Variants in BBS9 observed in about 807,000 individuals in gnomAD.
BBS9 encodes Bardet-Biedl syndrome 9, also known as protein PTHB1.
A neutral mutation model predicts 117.7 loss-of-function variants in BBS9; 89 were observed. That is an observed-to-expected ratio of 0.76 (90% CI 0.64 to 0.90). The LOEUF (loss-of-function observed/expected upper bound fraction) is 0.90, where lower values mean the gene tolerates loss of function less well. Among genes scored for constraint, BBS9 ranks in the 40% least tolerant of loss-of-function variants. The probability of loss-of-function intolerance (pLI) is 0.00; values close to 1 mark genes in which losing one functional copy is unlikely to be tolerated. For missense variants in BBS9, 982 were observed against 1,042.2 expected (o/e 0.94, Z 0.80); for synonymous variants, 379 against 370.9 (o/e 1.02, Z -0.25).
intron 5 of BBS9, among the ~76,000 whole-genome samples, chr7:33,206,002 G>A (rs535425980): frequency 2.2e-4 from 34 of 152,250 alleles, no homozygotes; most frequent in Admixed American, 3.9e-4. Context: ...GTCCTTCACT[G>A]GCACTCCATC....
intron 20 of BBS9, among the ~76,000 whole-genome samples, chr7:33,511,863 G>T (rs1267472164): frequency 6.6e-6 from 1 of 152,196 alleles, no homozygotes; most frequent in South Asian, 2.1e-4. Context: ...CAGGTTTAAT[G>T]TAAGGGCCAT....
intron 9 of BBS9, among the ~76,000 whole-genome samples, chr7:33,323,792 T>G (rs2128589113): frequency 6.6e-6 from 1 of 151,682 alleles, no homozygotes; most frequent in East Asian, 1.9e-4. Context: ...TGTTCTGTGG[T>G]TTCTGGTCTT....
intron 19 of BBS9, among the ~76,000 whole-genome samples, chr7:33,456,620 TA>T (rs1214552384): frequency 6.6e-6 from 1 of 152,132 alleles, no homozygotes; most frequent in Non-Finnish European, 1.5e-5. Context: ...CCCTCTCCCC[TA>T]AGTATTTTTT....
At chr7:33,467,560 C>CT (rs1563215305) in intron 19 of BBS9, among the ~76,000 whole-genome samples, 1 of 67,598 alleles carries the variant, frequency 1.5e-5, no homozygotes, top group African/African-American at 8.3e-5. Context: ...GCTGTGGGAA[C>CT]CCCCCAACTC....
At chr7:33,389,904 T>C (rs990388899) in intron 19 of BBS9, among the ~76,000 whole-genome samples, 4 of 152,052 alleles carry the variant, frequency 2.6e-5, no homozygotes, top group African/African-American at 9.7e-5. Flanking sequence ...GACTACTCTT[T>C]TGTTACAAAG....
intron 5 of BBS9, among the ~76,000 whole-genome samples, chr7:33,197,294 G>A (rs1252679531): frequency 6.6e-6 from 1 of 151,954 alleles, no homozygotes; most frequent in Non-Finnish European, 1.5e-5. Context: ...GAGTAATGAA[G>A]CTGTTAAATA....
chr7:33,281,817 T>C (rs1359287719), intron 9 of BBS9, among the ~76,000 whole-genome samples: 1 of 152,036 alleles, frequency 6.6e-6, no homozygotes, highest in Admixed American at 6.6e-5. Flanking sequence ...ATTTTAAAAT[T>C]ATTATTATTA....
chr7:33,406,978 G>A (rs556296659), intron 19 of BBS9, among the ~76,000 whole-genome samples: 36 of 151,942 alleles, frequency 2.4e-4, no homozygotes, highest in African/African-American at 8.7e-4. Context: ...CTGAATGTTG[G>A]CCTGCCTTGC....
At chr7:33,590,724 G>A (rs1325400951) in intron 21 of BBS9, among the ~76,000 whole-genome samples, 1 of 151,618 alleles carries the variant, frequency 6.6e-6, no homozygotes, top group Non-Finnish European at 1.5e-5. Flanking sequence ...TATGAGTCAG[G>A]CACCATTTGA....
At chr7:33,488,748 A>C (rs1263043961) in intron 19 of BBS9, among the ~76,000 whole-genome samples, 1 of 152,198 alleles carries the variant, frequency 6.6e-6, no homozygotes, top group Admixed American at 6.5e-5. Context: ...AGTGTGATAT[A>C]GTAAATTTCT....
intron 5 of BBS9, among the ~76,000 whole-genome samples, chr7:33,185,390 C>T (rs79024918): frequency 0.014 from 2,091 of 150,604 alleles, 58 homozygotes; most frequent in African/African-American, 0.049. Context: ...TCTTTATCTA[C>T]ATTTCTGATT....
intron 5 of BBS9, among the ~76,000 whole-genome samples, chr7:33,234,903 ATTTGTTTG>A (rs1015735955): frequency 1.2e-4 from 19 of 152,214 alleles, no homozygotes; most frequent in African/African-American, 4.6e-4. Context: ...CATCATAGAA[ATTTGTTTG>A]AATGGAAGGT....
chr7:33,231,072 G>A (rs1251056057), intron 5 of BBS9, among the ~76,000 whole-genome samples: 1 of 152,114 alleles, frequency 6.6e-6, no homozygotes, highest in East Asian at 1.9e-4. Context: ...CACCACATCT[G>A]TGCCGATATC....
At chr7:33,621,920 C>T (rs1171791029) in intron 21 of BBS9, among the ~76,000 whole-genome samples, 1 of 152,120 alleles carries the variant, frequency 6.6e-6, no homozygotes, top group East Asian at 1.9e-4. Context: ...AAGACAAATA[C>T]TACAATGGGC....
At chr7:33,141,413 T>G (rs866035448) in intron 1 of BBS9, among the ~76,000 whole-genome samples, 1 of 152,082 alleles carries the variant, frequency 6.6e-6, no homozygotes, top group Non-Finnish European at 1.5e-5. Flanking sequence ...AGAGCAAGAC[T>G]CCATTCCTCA....
At chr7:33,584,731 C>A (rs1334835743) in intron 21 of BBS9, among the ~76,000 whole-genome samples, 1 of 152,074 alleles carries the variant, frequency 6.6e-6, no homozygotes, top group East Asian at 1.9e-4. Flanking sequence ...CATACATATA[C>A]ATGCATGAGA....
intron 20 of BBS9, among the ~76,000 whole-genome samples, chr7:33,515,376 A>G (rs1585084832): frequency 6.6e-6 from 1 of 152,122 alleles, no homozygotes; most frequent in Admixed American, 6.5e-5. Flanking sequence ...GTGTTTTTCC[A>G]TGTAGCATTG....
chr7:33,264,478 G>C (rs1583965393), intron 7 of BBS9, 104 bp downstream of exon 7: 1 of 708,264 alleles, frequency 1.4e-6, no homozygotes, highest in Non-Finnish European at 2.3e-6. Context: ...AAATATGTCA[G>C]CCATTCTCTT....
At chr7:33,541,675 G>A (rs759008953) in intron 21 of BBS9, among the ~76,000 whole-genome samples, 2 of 152,064 alleles carry the variant, frequency 1.3e-5, no homozygotes, top group South Asian at 2.1e-4. Context: ...AAAACATTAC[G>A]GTAAGCGAAA....
Sources: allele counts gnomAD v4.1 joint callset (sites outside exome capture counted in the v4.1 genomes callset), GRCh38; gene constraint gnomAD v4.1.1; transcripts MANE v1.5; gene names NCBI Gene and HGNC (gene_info 2026-07-23, HGNC 2026-07-21).